Variants in SAMD5 observed in about 807,000 individuals in gnomAD.
SAMD5 encodes sterile alpha motif domain containing 5, also known as sterile alpha motif domain-containing protein 5.
A neutral mutation model predicts 11.3 loss-of-function variants in SAMD5; 13 were observed. That is an observed-to-expected ratio of 1.15 (90% CI 0.75 to 1.83). The LOEUF (loss-of-function observed/expected upper bound fraction) is 1.83, where lower values mean the gene tolerates loss of function less well. SAMD5 is among the 40% of genes most tolerant of loss of function. SAMD5 has a pLI of 0.00. For missense variants in SAMD5, 255 were observed against 239.1 expected (o/e 1.07, Z -0.44); for synonymous variants, 129 against 111.3 (o/e 1.16, Z -1.00).
At position 147,540,938 on chromosome 6, in the gene SAMD5, T is replaced by G. The variant is rs866717586; in HGVS notation, c.460-23456T>G. ...CTGTGGGGTTCAAGCCACGCGTTTT[T>G]TTTTTTTTTTTTTTTTTTTTTTGAG... On this transcript the variant is annotated intron_variant, in intron 1 of 1. Coordinates refer to ENST00000367474, the MANE Select transcript of SAMD5 (RefSeq NM_001030060.3). Among the ~76,000 whole-genome samples the G allele has an allele frequency of 2.0e-3, 240 of 121,160 alleles. 1 individual carries two copies. Among genetic ancestry groups the G allele is most frequent in the African/African-American group, 5.9e-3 (157 of 26,812 alleles). The allele number at this position is 121,160 out of a possible 152,430, so 79.5% of individuals were successfully genotyped here.
chr6:147,632,409 A>C (rs1162403876), intron 1 of SAMD5, among the ~76,000 whole-genome samples: 1 of 152,174 alleles, frequency 6.6e-6, no homozygotes, highest in South Asian at 2.1e-4. Flanking sequence ...GGCTCGAGTT[A>C]AGGCAATGAG....
chr6:147,719,217 G>A (rs1343658498), intron 1 of SAMD5, among the ~76,000 whole-genome samples: 1 of 152,226 alleles, frequency 6.6e-6, no homozygotes, highest in African/African-American at 2.4e-5. Flanking sequence ...TCAGGACCCA[G>A]AGCAAGGAAA....
intron 1 of SAMD5, among the ~76,000 whole-genome samples, chr6:147,552,728 G>A (rs1427701405): frequency 1.3e-5 from 2 of 152,166 alleles, no homozygotes; most frequent in East Asian, 3.9e-4. Context: ...TGTGGGGCGG[G>A]GTTGCGGAGG....
the SAMD5 span, among the ~76,000 whole-genome samples, chr6:147,768,523 C>A: frequency 1.4e-3 from 205 of 151,660 alleles, 4 homozygotes; most frequent in East Asian, 9.3e-3. Context: ...ACAACAACAA[C>A]AAAAAAACAG....
At chr6:147,890,453 G>A in the SAMD5 span, among the ~76,000 whole-genome samples, 2 of 151,746 alleles carry the variant, frequency 1.3e-5, no homozygotes, top group South Asian at 4.2e-4. Context: ...CCGCTGCCTG[G>A]ATTCAAGCAA....
At chr6:147,532,446 T>C (rs563152571) in intron 1 of SAMD5, among the ~76,000 whole-genome samples, 3 of 152,350 alleles carry the variant, frequency 2.0e-5, no homozygotes, top group African/African-American at 7.2e-5. Flanking sequence ...TCCAGCTCCA[T>C]CCAAGTTGCT....
chr6:147,691,756 T>A (rs1562352851), intron 1 of SAMD5, among the ~76,000 whole-genome samples: 1 of 152,218 alleles, frequency 6.6e-6, no homozygotes, highest in Admixed American at 6.5e-5. Context: ...CTTTTATTAT[T>A]CTCATTTCTG....
At chr6:147,931,591 T>C in the SAMD5 span, among the ~76,000 whole-genome samples, 1 of 151,660 alleles carries the variant, frequency 6.6e-6, no homozygotes. Context: ...CATTGACGAA[T>C]GCATTTCTCT....
chr6:147,740,594 G>A (rs1458537367), downstream of SAMD5, among the ~76,000 whole-genome samples: 1 of 152,104 alleles, frequency 6.6e-6, no homozygotes, highest in African/African-American at 2.4e-5. Context: ...GATCACACAG[G>A]CCTAACCTTG....
At chr6:147,804,362 A>G in the SAMD5 span, among the ~76,000 whole-genome samples, 13 of 151,974 alleles carry the variant, frequency 8.6e-5, no homozygotes, top group African/African-American at 2.4e-4. Context: ...CACCTGCCTC[A>G]GCCTCCCAAA....
At chr6:147,662,635 C>T (rs1790663393) in intron 1 of SAMD5, among the ~76,000 whole-genome samples, 1 of 152,178 alleles carries the variant, frequency 6.6e-6, no homozygotes, top group Non-Finnish European at 1.5e-5. Context: ...TGTATCAGGT[C>T]CCCTCACTTA....
At chr6:147,708,608 T>G (rs1479495269) in intron 1 of SAMD5, among the ~76,000 whole-genome samples, 1 of 152,220 alleles carries the variant, frequency 6.6e-6, no homozygotes, top group East Asian at 1.9e-4. Context: ...TAGAAATATA[T>G]TTGAATCCTT....
At chr6:147,631,650 GA>G (rs1790154188) in intron 1 of SAMD5, among the ~76,000 whole-genome samples, 1 of 152,158 alleles carries the variant, frequency 6.6e-6, no homozygotes. Context: ...GAACTTCTCA[GA>G]CCCTGTGGGA....
At chr6:147,652,710 A>C (rs185660521) in intron 1 of SAMD5, among the ~76,000 whole-genome samples, 7 of 152,296 alleles carry the variant, frequency 4.6e-5, no homozygotes, top group Admixed American at 1.3e-4. Flanking sequence ...CTAACAGTTT[A>C]TTATCCTACA....
intron 1 of SAMD5, among the ~76,000 whole-genome samples, chr6:147,526,058 C>A (rs940531466): frequency 6.6e-6 from 1 of 152,004 alleles, no homozygotes; most frequent in African/African-American, 2.4e-5. Flanking sequence ...CTTCAAATAG[C>A]CTGCTAGAAA....
the SAMD5 span, among the ~76,000 whole-genome samples, chr6:147,852,961 G>T: frequency 6.6e-6 from 1 of 152,050 alleles, no homozygotes; most frequent in Admixed American, 6.6e-5. Flanking sequence ...TAAAACATTC[G>T]ATTTGTCATC....
At chr6:147,816,281 CAAAAAAAAA>C in the SAMD5 span, among the ~76,000 whole-genome samples, 1 of 27,834 alleles carries the variant, frequency 3.6e-5, no homozygotes, top group African/African-American at 1.6e-4. Flanking sequence ...ACTCCGTCTC[CAAAAAAAAA>C]AAAAAAAAAA....
intron 1 of SAMD5, among the ~76,000 whole-genome samples, chr6:147,595,952 G>A (rs1302343311): frequency 6.6e-6 from 1 of 152,100 alleles, no homozygotes; most frequent in Non-Finnish European, 1.5e-5. Context: ...CTTATTATTA[G>A]GATGTACATG....
At chr6:147,593,455 A>T (rs918984542) in intron 1 of SAMD5, among the ~76,000 whole-genome samples, 9 of 152,222 alleles carry the variant, frequency 5.9e-5, no homozygotes, top group African/African-American at 1.9e-4. Context: ...CACCGATTTA[A>T]TAGAGCTTAT....
Sources: gnomAD v4.1 joint callset for allele counts (sites outside exome capture counted in the v4.1 genomes callset) on GRCh38, gnomAD v4.1.1 for gene constraint, MANE v1.5 for transcripts, NCBI Gene and HGNC (gene_info 2026-07-23, HGNC 2026-07-21) for gene names.